The following MTRF1L variants were observed in gnomAD, a reference collection of about 807,000 sequenced individuals.
MTRF1L encodes mitochondrial translation release factor 1 like, also known as peptide chain release factor 1-like, mitochondrial.
Under a neutral mutation model 40.0 loss-of-function variants are expected in MTRF1L, and 29 were observed. That is an observed-to-expected ratio of 0.73 (90% CI 0.54 to 0.99). The LOEUF (loss-of-function observed/expected upper bound fraction) is 0.99, where lower values mean the gene tolerates loss of function less well. Ranked by LOEUF, MTRF1L falls within the 50% of genes least tolerant of loss-of-function variation. The pLI is 0.00. For missense variants in MTRF1L, 412 were observed against 464.5 expected (o/e 0.89, Z 1.04); for synonymous variants, 150 against 175.8 (o/e 0.85, Z 1.16).
intron 2 of MTRF1L, among the ~76,000 whole-genome samples, chr6:152,997,222 T>C (rs1480908840): frequency 6.6e-6 from 1 of 152,166 alleles, no homozygotes; most frequent in African/African-American, 2.4e-5. Flanking sequence ...TGCATCAATT[T>C]GTGAGGAAAA....
Position 152,992,922 on chromosome 6 carries a change from C to T in MTRF1L, c.740G>A (p.Ser247Asn). The T allele has an allele frequency of 5.6e-6, 9 of 1,612,796 alleles. 1 individual carries two copies. Among genetic ancestry groups the T allele is most frequent in the South Asian group, 2.2e-5 (2 of 91,026 alleles). The change falls in exon 5 of 7, where the codon AGT becomes AAT. Residue 247 changes from serine (S) to asparagine (N), a missense_variant. Coordinates refer to ENST00000367233, the MANE Select transcript of MTRF1L (RefSeq NM_019041.7). ...ATTTACATGCTGCCCCCCAGCTCCA[C>T]TGGCTCGCTTAGTGTCAATTCTCAA... is the stretch of plus-strand genomic sequence containing the variant. ...KDLRIDTKRA[S>N]GAGGQHVNTT...
At chr6:152,992,776 G>C (rs987999008) in intron 5 of MTRF1L, 81 bp downstream of exon 5, 10 of 1,005,184 alleles carry the variant, frequency 9.9e-6, no homozygotes, top group African/African-American at 3.2e-5. Context: ...GGTAACCGAG[G>C]ATCTATTTCA....
intron 2 of MTRF1L, among the ~76,000 whole-genome samples, 198 bp from the exon 3 acceptor site, chr6:152,995,517 A>G (rs1461398173): frequency 1.3e-5 from 2 of 152,174 alleles, no homozygotes; most frequent in Admixed American, 6.5e-5. Context: ...TGTTACAACC[A>G]TATTATAAAT....
intron 6 of MTRF1L, chr6:152,990,594 G>C (rs1443626616): frequency 6.5e-6 from 1 of 153,392 alleles, no homozygotes; most frequent in African/African-American, 2.4e-5. Context: ...AGGCTGAGGT[G>C]GGTGGAGCAC....
chr6:152,994,721 T>G (rs1409162246), intron 3 of MTRF1L, 45 bp from the exon 4 acceptor site: 5 of 1,606,434 alleles, frequency 3.1e-6, no homozygotes, highest in Non-Finnish European at 4.3e-6. Flanking sequence ...ATTCCTGCCA[T>G]TTATAAATAA....
At chr6:152,994,170 T>C (rs575776205) in intron 4 of MTRF1L, among the ~76,000 whole-genome samples, 17 of 152,316 alleles carry the variant, frequency 1.1e-4, no homozygotes, top group African/African-American at 3.8e-4. Context: ...TTAAATAGGA[T>C]TGTTGCTGTT....
chr6:152,993,787 C>A (rs1160949401), intron 4 of MTRF1L, among the ~76,000 whole-genome samples: 1 of 152,224 alleles, frequency 6.6e-6, no homozygotes, highest in East Asian at 1.9e-4. Flanking sequence ...TCTCCCTTAA[C>A]TGCTTAGTTT....
At chr6:152,992,796 T>G in intron 5 of MTRF1L, 61 bp downstream of exon 5, 1 of 1,233,514 alleles carries the variant, frequency 8.1e-7, no homozygotes, top group Admixed American at 1.8e-5. Context: ...AGTGGAAAAT[T>G]AGTCATATTA....
chr6:152,996,162 G>A (rs888077579), intron 2 of MTRF1L, among the ~76,000 whole-genome samples: 1 of 152,082 alleles, frequency 6.6e-6, no homozygotes, highest in Non-Finnish European at 1.5e-5. Flanking sequence ...ATTTTACAGG[G>A]GTTGAATAAT....
chr6:152,999,443 A>G (rs1013829838), intron 1 of MTRF1L, among the ~76,000 whole-genome samples: 2 of 152,222 alleles, frequency 1.3e-5, no homozygotes, highest in Non-Finnish European at 2.9e-5. Context: ...TCAAGAGAGC[A>G]TTATAGATAA....
rs150147903 is a variant in MTRF1L, at chr6:152,994,804, A to G, written c.524-128T>C. ...AGGAGATGAACATGGAGACTGTAAA[A>G]CATATTAAAATATTCAATGTTTTAA... is the stretch of plus-strand genomic sequence containing the variant. On this transcript the variant is annotated intron_variant, in intron 3 of 6. Transcript: ENST00000367233. 115 of 1,126,128 alleles carry G rather than the reference A, an allele frequency of 1.0e-4. No individual in the cohort carries two copies. The African/African-American group carries it at 1.6e-3, about 16-fold the overall frequency. 69.8% of individuals were successfully genotyped at this position (1,126,128 alleles called of 1,614,324 possible).
intron 2 of MTRF1L, among the ~76,000 whole-genome samples, chr6:152,996,347 A>C (rs1165330963): frequency 6.6e-6 from 1 of 152,172 alleles, no homozygotes; most frequent in African/African-American, 2.4e-5. Context: ...TTTTGAACAA[A>C]TAATGGATTT....
At chr6:152,993,102 A>G in intron 4 of MTRF1L, 128 bp from the exon 5 acceptor site, 1 of 705,376 alleles carries the variant, frequency 1.4e-6, no homozygotes, top group Non-Finnish European at 2.4e-6. Context: ...TTTTAAGACT[A>G]GAGAGTAGCT....
chr6:152,999,103 G>C (rs1477334010), intron 1 of MTRF1L, among the ~76,000 whole-genome samples: 1 of 152,112 alleles, frequency 6.6e-6, no homozygotes, highest in African/African-American at 2.4e-5. Flanking sequence ...TAGTATTTTA[G>C]TATCCACCCA....
chr6:153,000,400 G>A (rs1480460791), intron 1 of MTRF1L, among the ~76,000 whole-genome samples: 1 of 152,132 alleles, frequency 6.6e-6, no homozygotes, highest in African/African-American at 2.4e-5. Flanking sequence ...GCCACAAATT[G>A]CTCAACAGCT....
In MTRF1L at chr6:153,002,415, C is replaced by A. The variant is rs778089282; in HGVS notation, c.259+12G>T. On this transcript the variant is annotated intron_variant, in intron 1 of 6. Coordinates refer to ENST00000367233, the MANE Select transcript of MTRF1L (RefSeq NM_019041.7). The stretch of plus-strand genomic sequence containing the variant: ...TGTGCTCTGACGCCTCTCCCCCGGG[C>A]CCGACCCTTACCGTGCAGCAAGTGC... The A allele has an allele frequency of 1.9e-6, 3 of 1,613,972 alleles. No individual in the cohort carries two copies. The highest frequency in any genetic ancestry group is 2.2e-5 in the South Asian group (2 of 91,080).
chr6:152,991,257 CTT>C lies in MTRF1L; in HGVS notation c.868_869del (p.Lys290ValfsTer16), dbSNP rs1161647948. 2 of 1,601,554 alleles carry C rather than the reference CTT, an allele frequency of 1.2e-6. No homozygotes were observed. The highest frequency in any genetic ancestry group is 1.3e-5 in the African/African-American group (1 of 74,466). On this transcript the variant is annotated frameshift_variant, in exon 6 of 7. Coordinates refer to ENST00000367233, the MANE Select transcript of MTRF1L (RefSeq NM_019041.7). LOFTEE classifies it high-confidence loss of function. ...QLKNKELAMTKLRAKLYSMHL... is the reference protein window; with the variant it reads ...QLKNKELAMTXLRAKLYSMHL... ...GCATGCTGTACAGTTTTGCACGTAA[CTT>C]TGTCATAGCCAGCTCTTTATTTTTC...
At chr6:152,994,481 C>T (rs757173098) in intron 4 of MTRF1L, 32 bp downstream of exon 4, 32 of 1,577,108 alleles carry the variant, frequency 2.0e-5, no homozygotes, top group Non-Finnish European at 2.7e-5. Context: ...GTGCTAGGCC[C>T]GGGATTCCAA....
chr6:153,001,915 C>A (rs1450727362), intron 1 of MTRF1L, among the ~76,000 whole-genome samples: 1 of 152,212 alleles, frequency 6.6e-6, no homozygotes, highest in Non-Finnish European at 1.5e-5. Flanking sequence ...AATCCAAATT[C>A]TTTGTCTTGC....
Sources: gnomAD v4.1 joint callset for allele counts (sites outside exome capture counted in the v4.1 genomes callset) on GRCh38, gnomAD v4.1.1 for gene constraint, MANE v1.5 for transcripts, NCBI Gene and HGNC (gene_info 2026-07-23, HGNC 2026-07-21) for gene names.